The following MTFR1L variants were observed in gnomAD, a reference collection of about 807,000 sequenced individuals.
MTFR1L encodes the protein mitochondrial fission regulator 1 like.
A neutral mutation model predicts 27.9 loss-of-function variants in MTFR1L; 10 were observed. That is an observed-to-expected ratio of 0.36 (90% CI 0.22 to 0.61). The LOEUF (loss-of-function observed/expected upper bound fraction) is 0.61. Among genes scored for constraint, MTFR1L ranks in the 20% least tolerant of loss-of-function variants. MTFR1L has a pLI of 0.73. For missense variants in MTFR1L, 315 were observed against 363.7 expected (o/e 0.87, Z 1.09); for synonymous variants, 151 against 139.4 (o/e 1.08, Z -0.58).
At position 25,824,895 on chromosome 1, in the gene MTFR1L, C is replaced by G. The variant is rs143249119; in HGVS notation, c.129+1147C>G. On this transcript the variant is annotated intron_variant, in intron 3 of 6. Coordinates refer to ENST00000374303, the MANE Select transcript of MTFR1L (RefSeq NM_001099625.2). ...GGGCAGAGACAATCAAGGGCACAGG[C>G]TCTCACAGAGCAGGAATGTATGTGA... 7.6e-3 allele frequency among the ~76,000 whole-genome samples: 1,158 copies of G among 152,164 alleles called. 14 individuals carry two copies. The highest frequency in any genetic ancestry group is 0.023 in the African/African-American group (956 of 41,518).
At position 25,832,472 on chromosome 1, in the gene MTFR1L, T is replaced by G; in HGVS notation, c.*446T>G. 3.0e-6 allele frequency: 1 copy of G among 337,272 alleles called. No individual in the cohort carries two copies. The highest frequency in any genetic ancestry group is 4.1e-5 in the Admixed American group (1 of 24,556). The allele number at this position is 337,272 out of a possible 1,614,324, so 20.9% of individuals were successfully genotyped here. A position where few individuals can be genotyped will look rare whatever the true frequency, so the allele number is the denominator to read the frequency against. ...AAGGGGCTATGAATGTTTGTATACA[T>G]GTTCACAGGGCACGGAAAATCTTAT... On this transcript the variant is annotated 3_prime_UTR_variant, in exon 7 of 7. Transcript: ENST00000374303.
In MTFR1L at chr1:25,823,682, T is replaced by C. The variant is rs1306869448; in HGVS notation, c.63T>C (p.Ala21=). ...GGCAAAACAAGCCACATGGGGCTGCTCGAAGTGTAGTAAGAAGAATTGGGA... is the reference window on the plus strand; with the variant it reads ...GGCAAAACAAGCCACATGGGGCTGCCCGAAGTGTAGTAAGAAGAATTGGGA... ...PIWQNKPHGA[A]RSVVRRIGTN... The change falls in exon 3 of 7, where the codon GCT becomes GCC. Residue 21 remains alanine, a synonymous_variant. Transcript: ENST00000374303. The C allele has an allele frequency of 3.7e-6, 6 of 1,614,074 alleles. No individual in the cohort carries two copies. In the South Asian group the frequency reaches 6.6e-5, roughly 18 times the overall value.
intron 1 of MTFR1L, chr1:25,820,750 T>A (rs1181247759): frequency 4.5e-6 from 2 of 439,700 alleles, no homozygotes; most frequent in Non-Finnish European, 9.1e-6. Context: ...GAGTTGGTGT[T>A]CCCCTTCATT....
Position 25,826,728 on chromosome 1 carries a change from A to G in MTFR1L, c.353A>G (p.Lys118Arg), listed in dbSNP as rs770908019. 6.2e-7 allele frequency: 1 copy of G among 1,614,152 alleles called. No individual in the cohort carries two copies. Among genetic ancestry groups the G allele is most frequent in the Non-Finnish European group, 8.5e-7 (1 of 1,180,030 alleles). Residue 118 changes from lysine to arginine, a missense_variant, in exon 5 of 7, where the codon AAG (lysine) becomes AGG (arginine). Transcript: ENST00000374303. This position sits in a 1 kb window ranked among gnomAD's most constrained non-coding sequence, Gnocchi z 4.1. Reference sequence around the variant, plus strand: ...TCCGAGGAGAGGCTTCTGGCCCTGAAGAAGCCAGCTCTGCCAGCCCTAAGC... The same window carrying G: ...TCCGAGGAGAGGCTTCTGGCCCTGAGGAAGCCAGCTCTGCCAGCCCTAAGC... Reference protein sequence around the residue: ...RGSEERLLALKKPALPALSRT... With the variant: ...RGSEERLLALRKPALPALSRT...
chr1:25,831,816 C>T, intron 6 of MTFR1L, 105 bp from the exon 7 acceptor site: 1 of 1,001,908 alleles, frequency 1.0e-6, no homozygotes, highest in African/African-American at 1.6e-5. Flanking sequence ...GTAATGGCAC[C>T]TACCTCGTAA....
At position 25,828,057 on chromosome 1, in the gene MTFR1L, C is replaced by G. The variant is rs560275550; in HGVS notation, c.451+1231C>G. Among the ~76,000 whole-genome samples, 4 of 152,260 alleles carry G rather than the reference C, an allele frequency of 2.6e-5. No individual in the cohort carries two copies. The East Asian group carries it at 7.7e-4, about 29-fold the overall frequency. On this transcript the variant is annotated intron_variant, in intron 5 of 6. Transcript: ENST00000374303. ...TCAATACAAGAAGTAAACATTCCCCCCACCACCACTGAGACTTACCCTTTT... is the reference window on the plus strand; with the variant it reads ...TCAATACAAGAAGTAAACATTCCCCGCACCACCACTGAGACTTACCCTTTT...
chr1:25,832,212 G>A lies in MTFR1L; in HGVS notation c.*186G>A. The A allele has an allele frequency of 6.6e-7, 1 of 1,510,950 alleles. No homozygotes were observed. The highest frequency in any genetic ancestry group is 1.2e-5 in the South Asian group (1 of 83,694). 93.6% of individuals were successfully genotyped at this position (1,510,950 alleles called of 1,614,324 possible). A position where few individuals can be genotyped will look rare whatever the true frequency, so the allele number is the denominator to read the frequency against. On this transcript the variant is annotated 3_prime_UTR_variant, in exon 7 of 7. Transcript: ENST00000374303. ...TCCCAGACTTCAAACCCTAGCAGAA[G>A]CTAAGGCTTGTGATTTGACCTGAGA...
chr1:25,826,112 G>A lies in MTFR1L; in HGVS notation c.130-190G>A. ...GGCCTCCCAAATGCTGGGATTACAG[G>A]TGTGAGCCACCATGCCTGACTGTCA... On this transcript the variant is annotated intron_variant, in intron 3 of 6. Coordinates refer to ENST00000374303, the MANE Select transcript of MTFR1L (RefSeq NM_001099625.2). The surrounding 1 kb of genome is among the most constrained non-coding windows in gnomAD (Gnocchi z 4.1). 1 of 559,564 alleles carries A rather than the reference G, an allele frequency of 1.8e-6. No individual in the cohort carries two copies. Among genetic ancestry groups the A allele is most frequent in the East Asian group, 3.1e-5 (1 of 32,500 alleles). 34.7% of individuals were successfully genotyped at this position (559,564 alleles called of 1,614,324 possible). A position where few individuals can be genotyped will look rare whatever the true frequency, so the allele number is the denominator to read the frequency against.
chr1:25,829,910 T>C (rs976742563), intron 6 of MTFR1L, 80 bp downstream of exon 6: 2 of 1,211,826 alleles, frequency 1.7e-6, no homozygotes, highest in Non-Finnish European at 1.1e-6. Flanking sequence ...CATACTTACA[T>C]AGTAAGTTCT....
At chr1:25,820,430 G>A (rs1485734162) in intron 1 of MTFR1L, 2 of 430,654 alleles carry the variant, frequency 4.6e-6, no homozygotes, top group Non-Finnish European at 9.2e-6. Context: ...GTCGTCTGCC[G>A]CGGGGGAGGG....
chr1:25,820,323 GCGGCTCGGAGGCTT>G, intron 1 of MTFR1L: 1 of 455,986 alleles, frequency 2.2e-6, no homozygotes, highest in South Asian at 1.5e-5. Context: ...AGACCTGGCC[GCGGCTCGGAGGCTT>G]CCGCGCACTC....
chr1:25,820,173 C>G (rs2048067206), intron 1 of MTFR1L, 144 bp downstream of exon 1: 2 of 454,290 alleles, frequency 4.4e-6, no homozygotes, highest in Admixed American at 4.7e-5. Context: ...CTGTCCGTCT[C>G]ACTTGGCCCG....
chr1:25,831,560 C>T (rs548814666), intron 6 of MTFR1L, among the ~76,000 whole-genome samples: 1 of 152,324 alleles, frequency 6.6e-6, no homozygotes, highest in East Asian at 1.9e-4. Flanking sequence ...ACTAAGAAAA[C>T]AGGGCCAGAA....
intron 3 of MTFR1L, 72 bp downstream of exon 3, chr1:25,823,820 C>G: frequency 1.3e-6 from 2 of 1,544,430 alleles, no homozygotes; most frequent in Non-Finnish European, 1.8e-6. Flanking sequence ...CCCCTTGGTA[C>G]TGCCCAAGTA....
chr1:25,823,443 T>G (rs1557441484), intron 2 of MTFR1L: 1 of 811,620 alleles, frequency 1.2e-6, no homozygotes, highest in Admixed American at 2.0e-5. Context: ...GCAGCAGGTA[T>G]TCCCTTGGGT....
At chr1:25,825,330 T>C (rs1351228146) in intron 3 of MTFR1L, among the ~76,000 whole-genome samples, 10 of 152,124 alleles carry the variant, frequency 6.6e-5, no homozygotes, top group Admixed American at 5.9e-4. Flanking sequence ...AATTTAAGCA[T>C]ATGAAAATAT....
At chr1:25,825,372 T>C (rs890942297) in intron 3 of MTFR1L, among the ~76,000 whole-genome samples, 2 of 152,148 alleles carry the variant, frequency 1.3e-5, no homozygotes, top group Non-Finnish European at 2.9e-5. Context: ...GAAAATAAAT[T>C]ACCTATAATT....
intron 6 of MTFR1L, 48 bp downstream of exon 6, chr1:25,829,878 C>T: frequency 6.7e-7 from 1 of 1,482,576 alleles, no homozygotes; most frequent in Non-Finnish European, 9.1e-7. Context: ...CAGAGTTGCC[C>T]ATGGCCAATT....
rs779678879 is a variant in MTFR1L at position 25,832,182 on chromosome 1, A to ATAT, written c.*158_*160dup. On this transcript the variant is annotated 3_prime_UTR_variant, in exon 7 of 7. Transcript: ENST00000374303. Reference sequence around the variant, plus strand: ...GACTGAAAGAGAAGAGCTGGATTATATATTTCCCAGACTTCAAACCCTAGC... The same window carrying ATAT: ...GACTGAAAGAGAAGAGCTGGATTATATATTATTTCCCAGACTTCAAACCCTAGC... 1.3e-6 allele frequency: 2 copies of ATAT among 1,541,826 alleles called. No homozygotes were observed. The highest frequency in any genetic ancestry group is 1.7e-6 in the Non-Finnish European group (2 of 1,148,236).
Sources: allele counts gnomAD v4.1 joint callset (sites outside exome capture counted in the v4.1 genomes callset), GRCh38; gene constraint gnomAD v4.1.1; non-coding constraint Gnocchi (gnomAD v3.1); transcripts MANE v1.5; gene names NCBI Gene and HGNC (gene_info 2026-07-23, HGNC 2026-07-21).